Variants in PCDHA4 observed in about 807,000 individuals in gnomAD.
The protein encoded by PCDHA4 is protocadherin alpha-4.
In PCDHA4, 49 loss-of-function variants were observed where a neutral mutation model predicts 61.4. That is an observed-to-expected ratio of 0.80 (90% CI 0.63 to 1.01). The LOEUF (loss-of-function observed/expected upper bound fraction) is 1.01. Ranked by LOEUF, PCDHA4 falls within the 50% of genes least tolerant of loss-of-function variation. PCDHA4 has a pLI of 0.00. For missense variants in PCDHA4, 1,254 were observed against 1,235.8 expected, an observed-to-expected ratio of 1.01 and a Z score of -0.22; for synonymous variants, 590 against 550.3, an observed-to-expected ratio of 1.07 and a Z score of -1.01.
chr5:140,823,999 A>G, intron 1 of PCDHA4: 1 of 1,614,146 alleles, frequency 6.2e-7, no homozygotes, highest in Non-Finnish European at 8.5e-7. Context: ...GTTGTGCTCC[A>G]GCGCGGTGGG....
At chr5:140,841,819 C>T (rs2150323482) in intron 1 of PCDHA4, 6 of 1,613,756 alleles carry the variant, frequency 3.7e-6, no homozygotes, top group South Asian at 2.2e-5. Context: ...GAGCTAACTC[C>T]GTGTTAACCT....
chr5:140,949,277 G>T (rs934497662), intron 1 of PCDHA4, among the ~76,000 whole-genome samples: 2 of 151,734 alleles, frequency 1.3e-5, no homozygotes, highest in African/African-American at 2.4e-5. Context: ...CACTTGAAAA[G>T]AATGTATATT....
intron 1 of PCDHA4, chr5:140,969,211 A>T: frequency 6.2e-7 from 1 of 1,614,206 alleles, no homozygotes; most frequent in Non-Finnish European, 8.5e-7. Context: ...GGGCCCAGAC[A>T]GGACCAGGGC....
intron 1 of PCDHA4, among the ~76,000 whole-genome samples, chr5:140,881,116 TG>T (rs1181000408): frequency 3.3e-5 from 5 of 152,242 alleles, no homozygotes; most frequent in African/African-American, 7.2e-5. Flanking sequence ...CCTGGGATTT[TG>T]TGGCTTGGTA....
chr5:140,856,423 T>G (rs1266159746), intron 1 of PCDHA4: 1 of 1,598,178 alleles, frequency 6.3e-7, no homozygotes, highest in East Asian at 2.2e-5. Context: ...TGAAGGACAT[T>G]AACGACAACC....
At chr5:140,868,631 TTCTC>T (rs1180172037) in intron 1 of PCDHA4, 2 of 154,616 alleles carry the variant, frequency 1.3e-5, no homozygotes, top group African/African-American at 4.8e-5. Flanking sequence ...TGAATTCTCT[TTCTC>T]TCTCACTCTG....
chr5:141,001,567 T>A (rs116015618), intron 3 of PCDHA4, among the ~76,000 whole-genome samples: 2 of 152,294 alleles, frequency 1.3e-5, no homozygotes, highest in African/African-American at 4.8e-5. Context: ...ACGATTCTCC[T>A]GTGTTTTGTG....
At chr5:140,927,568 A>T in intron 1 of PCDHA4, 1 of 1,614,174 alleles carries the variant, frequency 6.2e-7, no homozygotes, top group Non-Finnish European at 8.5e-7. Flanking sequence ...TGTGGTGGAC[A>T]CAAATGACAA....
chr5:140,821,706 T>A (rs1767033084), intron 1 of PCDHA4: 3 of 1,441,004 alleles, frequency 2.1e-6, no homozygotes, highest in Non-Finnish European at 1.9e-6. Flanking sequence ...TATAGTTAAT[T>A]GGGAATTGAA....
At chr5:140,928,760 T>G (rs782568767) in intron 1 of PCDHA4, 6 of 1,614,060 alleles carry the variant, frequency 3.7e-6, no homozygotes, top group Non-Finnish European at 5.1e-6. Flanking sequence ...ACTGCTCGCT[T>G]AGTTCTTCCC....
chr5:141,000,651 C>G (rs1325110453), intron 3 of PCDHA4, among the ~76,000 whole-genome samples: 2 of 151,708 alleles, frequency 1.3e-5, no homozygotes, highest in African/African-American at 4.8e-5. Flanking sequence ...TGGTCTCGAA[C>G]TCCTGACCTC....
At chr5:140,837,021 T>C (rs1774876437) in intron 1 of PCDHA4, 2 of 263,032 alleles carry the variant, frequency 7.6e-6, no homozygotes, top group Non-Finnish European at 1.4e-5. Flanking sequence ...ACCTTTCTTC[T>C]ATAGTGTATT....
intron 1 of PCDHA4, among the ~76,000 whole-genome samples, chr5:140,891,498 G>C (rs566885852): frequency 6.6e-6 from 1 of 151,186 alleles, no homozygotes; most frequent in East Asian, 1.9e-4. Flanking sequence ...CATATCCTCA[G>C]CTATAATGTT....
intron 1 of PCDHA4, chr5:140,858,541 C>T (rs1021379839): frequency 7.9e-6 from 11 of 1,395,984 alleles, no homozygotes; most frequent in Non-Finnish European, 1.1e-5. Context: ...TGTCTACATT[C>T]CATTTATGCT....
In PCDHA4 at chr5:140,856,586, G is replaced by A. The variant is rs1185371115; in HGVS notation, c.2385+47014G>A. 7 of 1,597,236 alleles carry A rather than the reference G, an allele frequency of 4.4e-6. 1 individual carries two copies. The highest frequency in any genetic ancestry group is 6.0e-6 in the Non-Finnish European group (7 of 1,166,914). ...CAGTCCAAATGAGTATTTTGTTCTT[G>A]ATATTATAAACAAAAAAGACAAAGA... On this transcript the variant is annotated intron_variant, in intron 1 of 3. Coordinates refer to ENST00000530339, the MANE Select transcript of PCDHA4 (RefSeq NM_018907.4).
chr5:140,952,416 G>T (rs114343205), intron 1 of PCDHA4, among the ~76,000 whole-genome samples: 1 of 151,730 alleles, frequency 6.6e-6, no homozygotes, highest in Non-Finnish European at 1.5e-5. Context: ...TTAATGTTCC[G>T]CAGATTCCTA....
chr5:140,848,780 G>C, intron 1 of PCDHA4: 3 of 1,593,474 alleles, frequency 1.9e-6, no homozygotes, highest in South Asian at 1.1e-5. Flanking sequence ...GCGAGGAGCT[G>C]TGCGGGCGGA....
chr5:140,814,568 G>A (rs1554126549), intron 1 of PCDHA4: 1 of 151,628 alleles, frequency 6.6e-6, no homozygotes. Flanking sequence ...CAAGTATTAT[G>A]TACTGTAAAT....
chr5:141,010,226 C>G lies in PCDHA4; in HGVS notation c.*289C>G, dbSNP rs1386050566. The G allele has an allele frequency of 1.3e-6, 2 of 1,551,706 alleles. No individual in the cohort carries two copies. Among genetic ancestry groups the G allele is most frequent in the Non-Finnish European group, 1.7e-6 (2 of 1,147,032 alleles). ...CGCCGCAAAGGAGAGGCTTCCCAGC[C>G]CCGCCAGTGAGAGGTTGGACTCTCT... On this transcript the variant is annotated 3_prime_UTR_variant, in exon 4 of 4. Coordinates refer to ENST00000530339, the MANE Select transcript of PCDHA4 (RefSeq NM_018907.4).
Sources: allele counts gnomAD v4.1 joint callset (sites outside exome capture counted in the v4.1 genomes callset), GRCh38; gene constraint gnomAD v4.1.1; transcripts MANE v1.5; gene names NCBI Gene and HGNC (gene_info 2026-07-23, HGNC 2026-07-21).